The following TIAM1 variants were observed in gnomAD, a reference collection of about 807,000 sequenced individuals.
TIAM1 encodes the protein rho guanine nucleotide exchange factor TIAM1.
In TIAM1, 65 loss-of-function variants were observed where a neutral mutation model predicts 163.5. The observed-to-expected ratio is 0.40, with a 90% confidence interval of 0.33 to 0.49. The LOEUF (loss-of-function observed/expected upper bound fraction) is 0.49, where lower values mean the gene tolerates loss of function less well. Ranked by LOEUF, TIAM1 falls within the 20% of genes least tolerant of loss-of-function variation. The probability of loss-of-function intolerance (pLI) is 0.77; values close to 1 mark genes in which losing one functional copy is unlikely to be tolerated. For missense variants in TIAM1, 1,789 were observed against 2,044.7 expected, an observed-to-expected ratio of 0.87 and a Z score of 2.41; for synonymous variants, 833 against 810.1, an observed-to-expected ratio of 1.03 and a Z score of -0.48.
chr21:31,436,365 C>T (rs966068705), intron 2 of TIAM1, among the ~76,000 whole-genome samples: 15 of 152,164 alleles, frequency 9.9e-5, no homozygotes, highest in African/African-American at 1.2e-4. Flanking sequence ...GAGCCAGGTG[C>T]GGTGGCTCAT....
At chr21:31,535,379 TCAAA>T (rs1300899192) in intron 1 of TIAM1, among the ~76,000 whole-genome samples, 1 of 19,852 alleles carries the variant, frequency 5.0e-5, no homozygotes, top group African/African-American at 3.0e-4. Flanking sequence ...AGGCTCCATC[TCAAA>T]AAAAAAAAAA....
At chr21:31,182,394 C>T (rs781218227) in intron 15 of TIAM1, 27 bp downstream of exon 15, 12 of 1,487,648 alleles carry the variant, frequency 8.1e-6, no homozygotes, top group East Asian at 7.1e-5. Flanking sequence ...AGTTCAGACT[C>T]GCCCCCAGCA....
intron 13 of TIAM1, among the ~76,000 whole-genome samples, chr21:31,191,052 T>A (rs771228913): frequency 7.2e-5 from 11 of 152,176 alleles, no homozygotes; most frequent in Non-Finnish European, 1.5e-4. Context: ...TGGGGGAATG[T>A]TTCACCTCTT....
intron 2 of TIAM1, among the ~76,000 whole-genome samples, chr21:31,420,123 C>T (rs892593066): frequency 1.3e-5 from 2 of 152,082 alleles, no homozygotes; most frequent in Admixed American, 6.6e-5. Flanking sequence ...TTTGAAAAAG[C>T]GACTTTAGGA....
At position 31,331,996 on chromosome 21, in the gene TIAM1, C is replaced by T. The variant is rs1394904734; in HGVS notation, c.-189+7247G>A. Among the ~76,000 whole-genome samples the T allele has an allele frequency of 3.9e-5, 6 of 152,256 alleles. No homozygotes were observed. In the East Asian group the frequency reaches 1.2e-3, roughly 29 times the overall value. ...CATATCCAATTACTGAGAAAAAGCA[C>T]GTACATGCTCCTGTGTTCTCTTCAC... On this transcript the variant is annotated intron_variant, in intron 2 of 27. Coordinates refer to ENST00000541036, the MANE Select transcript of TIAM1 (RefSeq NM_001353694.2).
chr21:31,461,031 G>T (rs532578519), intron 2 of TIAM1, among the ~76,000 whole-genome samples: 3 of 152,242 alleles, frequency 2.0e-5, no homozygotes, highest in South Asian at 4.1e-4. Context: ...AAAAATACAA[G>T]TCTACGTATT....
At chr21:31,343,410 C>A (rs2147101400) in intron 1 of TIAM1, among the ~76,000 whole-genome samples, 1 of 152,318 alleles carries the variant, frequency 6.6e-6, no homozygotes, top group African/African-American at 2.4e-5. Context: ...GCACCACCTT[C>A]CACCCAAACT....
At chr21:31,228,125 A>T (rs1176790743) in intron 6 of TIAM1, among the ~76,000 whole-genome samples, 46 of 140,534 alleles carry the variant, frequency 3.3e-4, no homozygotes, top group Non-Finnish European at 5.8e-4. Flanking sequence ...GTTGGCCAGG[A>T]TGGTCTCAAT....
At chr21:31,161,635 C>A (rs2083927735) in intron 16 of TIAM1, among the ~76,000 whole-genome samples, 1 of 152,156 alleles carries the variant, frequency 6.6e-6, no homozygotes, top group African/African-American at 2.4e-5. Flanking sequence ...TAAAACAGTC[C>A]ATTTAGAAAG....
At chr21:31,172,948 G>GCCTT (rs35472250) in intron 15 of TIAM1, among the ~76,000 whole-genome samples, 5,266 of 152,080 alleles carry the variant, frequency 0.035, 332 homozygotes, top group African/African-American at 0.12. Context: ...TCAATGCTTT[G>GCCTT]CCTTTTAAGT....
chr21:31,131,058 T>G, intron 23 of TIAM1, 110 bp from the exon 24 acceptor site: 8 of 843,418 alleles, frequency 9.5e-6, no homozygotes, highest in Non-Finnish European at 1.5e-5. Flanking sequence ...GACGTTGAGA[T>G]CCCAGTTAAC....
At chr21:31,276,611 A>G (rs913254180) in intron 3 of TIAM1, 121 bp downstream of exon 3, 9 of 152,212 alleles carry the variant, frequency 5.9e-5, no homozygotes, top group African/African-American at 2.2e-4. Context: ...GTGATTCCAA[A>G]TTCTTTTTCC....
chr21:31,539,779 C>T (rs2252666), intron 1 of TIAM1, among the ~76,000 whole-genome samples: 4 of 152,042 alleles, frequency 2.6e-5, no homozygotes, highest in African/African-American at 7.2e-5. Context: ...TGGATTTCAT[C>T]GCACCCAGGT....
intron 1 of TIAM1, among the ~76,000 whole-genome samples, chr21:31,528,692 C>T (rs1051608277): frequency 4.7e-5 from 7 of 150,018 alleles, no homozygotes; most frequent in Non-Finnish European, 1.0e-4. Flanking sequence ...GTAATCCCAG[C>T]TACTCGGGAG....
At chr21:31,508,767 G>A (rs1349736205) in intron 1 of TIAM1, among the ~76,000 whole-genome samples, 2 of 152,132 alleles carry the variant, frequency 1.3e-5, no homozygotes, top group African/African-American at 2.4e-5. Context: ...TAGGGTGAGT[G>A]TGCCCTTAGA....
At chr21:31,476,658 A>G (rs2045944465) in intron 1 of TIAM1, among the ~76,000 whole-genome samples, 1 of 152,216 alleles carries the variant, frequency 6.6e-6, no homozygotes, top group Non-Finnish European at 1.5e-5. Context: ...TGCTTTTGCA[A>G]AATCGATCCA....
intron 27 of TIAM1, among the ~76,000 whole-genome samples, 194 bp from the exon 28 acceptor site, chr21:31,121,031 T>C (rs769269168): frequency 2.6e-5 from 4 of 152,100 alleles, no homozygotes; most frequent in African/African-American, 4.8e-5. Context: ...TATCTGGACT[T>C]AGAGGATGTT....
chr21:31,243,706 G>C (rs1273197942), intron 6 of TIAM1, among the ~76,000 whole-genome samples: 1 of 152,124 alleles, frequency 6.6e-6, no homozygotes, highest in Admixed American at 6.5e-5. Flanking sequence ...ATGATACCTA[G>C]ACACATAATA....
Position 31,120,575 on chromosome 21 carries a change from G to A in TIAM1, c.4569C>T (p.Asp1523=). Reference sequence around the variant, plus strand: ...AGGTGGCCTGAAGCCGCTCCTGCAGGTCTCTGTCCACTGAGGCACCCTTCA... The same window carrying A: ...AGGTGGCCTGAAGCCGCTCCTGCAGATCTCTGTCCACTGAGGCACCCTTCA... ...ESVKGASVDR[D]LQERLQATSI... is the part of the protein sequence containing the mutation. The change falls in exon 28 of 28, where the codon GAC becomes GAT. Residue 1523 remains aspartate (D), a synonymous_variant. Transcript: ENST00000541036. The surrounding 1 kb of genome is among the most constrained non-coding windows in gnomAD (Gnocchi z 4.2). 6.2e-7 allele frequency: 1 copy of A among 1,614,154 alleles called. No homozygotes were observed. The highest frequency in any genetic ancestry group is 1.1e-5 in the South Asian group (1 of 91,088).
Sources: allele counts gnomAD v4.1 joint callset (sites outside exome capture counted in the v4.1 genomes callset), GRCh38; gene constraint gnomAD v4.1.1; non-coding constraint Gnocchi (gnomAD v3.1); transcripts MANE v1.5; gene names NCBI Gene and HGNC (gene_info 2026-07-23, HGNC 2026-07-21).